The following CASQ2 variants were observed in gnomAD, a reference collection of about 807,000 sequenced individuals.
CASQ2 encodes the protein calsequestrin 2, also known as calsequestrin-2.
Under a neutral mutation model 46.5 loss-of-function variants are expected in CASQ2, and 49 were observed. The ratio of observed to expected loss-of-function variants is 1.05; its 90% CI spans 0.84 to 1.34. CASQ2 has a LOEUF of 1.34. Among genes scored for constraint, CASQ2 ranks in the 40% most tolerant of loss-of-function variants. The pLI, the probability that CASQ2 is intolerant of heterozygous loss-of-function variation, is 0.00. For missense variants in CASQ2, 486 were observed against 481.3 expected, an observed-to-expected ratio of 1.01 and a Z score of -0.09; for synonymous variants, 174 against 168.5, an observed-to-expected ratio of 1.03 and a Z score of -0.25.
chr1:115,717,648 AC>A (rs1284518114), intron 8 of CASQ2, among the ~76,000 whole-genome samples, 191 bp downstream of exon 8: 8 of 152,224 alleles, frequency 5.3e-5, no homozygotes, highest in Non-Finnish European at 1.0e-4. Flanking sequence ...TGATTTGTTC[AC>A]ACCTTTTCTT....
In CASQ2 at chr1:115,701,211, T is replaced by C. The variant is rs1469254169; in HGVS notation, c.*30A>G. ...CTGTATGGTAGTGGGTGCTGTGATTTTGTTTTCATCAGAATTGTTTGGAGT... is the reference window on the plus strand; with the variant it reads ...CTGTATGGTAGTGGGTGCTGTGATTCTGTTTTCATCAGAATTGTTTGGAGT... On this transcript the variant is annotated 3_prime_UTR_variant, in exon 11 of 11. Coordinates refer to ENST00000261448, the MANE Select transcript of CASQ2 (RefSeq NM_001232.4). The C allele has an allele frequency of 1.9e-6, 3 of 1,613,602 alleles. No individual in the cohort carries two copies. The East Asian group carries it at 6.7e-5, about 36-fold the overall frequency.
At position 115,702,989 on chromosome 1, in the gene CASQ2, C is replaced by T. The variant is rs1473709565; in HGVS notation, c.946G>A (p.Ala316Thr). The T allele has an allele frequency of 1.2e-6, 2 of 1,612,608 alleles. No individual in the cohort carries two copies. Among genetic ancestry groups the T allele is most frequent in the Admixed American group, 1.7e-5 (1 of 59,816 alleles). ...ATCTTGAAAGTCTTCTCCCAGTAGG[C>T]AACGAGCTGCAGCAACAAAAAAATA... Reference protein sequence around the residue: ...IDPDDFPLLVAYWEKTFKIDL... With the variant: ...IDPDDFPLLVTYWEKTFKIDL... The change falls in exon 10 of 11, where the codon GCC (alanine) becomes ACC (threonine). Residue 316 changes from alanine to threonine, a missense_variant. Physicochemically the swap from Ala to Thr is moderately conservative, Grantham distance 58. Transcript: ENST00000261448.
intron 8 of CASQ2, among the ~76,000 whole-genome samples, chr1:115,707,030 T>C (rs1435425576): frequency 1.4e-5 from 2 of 140,332 alleles, no homozygotes; most frequent in African/African-American, 5.2e-5. Flanking sequence ...AGTGGAGAAA[T>C]AGTTCCTTTT....
intron 1 of CASQ2, among the ~76,000 whole-genome samples, chr1:115,762,969 C>CTGTCATGT (rs1649013564): frequency 6.6e-6 from 1 of 152,302 alleles, no homozygotes; most frequent in East Asian, 1.9e-4. Flanking sequence ...GGGGCTCCAC[C>CTGTCATGT]TGTCATGTTG....
rs957557916 is a variant in CASQ2, at chr1:115,743,368, C to G, written c.319+1460G>C. ...AAGCCATTCTCTCATCCCAGCCTCC[C>G]AAGTAGCTGGCACTACAGGCACATG... On this transcript the variant is annotated intron_variant, in intron 2 of 10. Coordinates refer to ENST00000261448, the MANE Select transcript of CASQ2 (RefSeq NM_001232.4). Among the ~76,000 whole-genome samples the G allele has an allele frequency of 3.9e-5, 6 of 152,152 alleles. No homozygotes were observed. The East Asian group carries it at 5.8e-4, about 15-fold the overall frequency.
chr1:115,740,899 C>A, intron 2 of CASQ2, 71 bp from the exon 3 acceptor site: 2 of 1,074,446 alleles, frequency 1.9e-6, no homozygotes, highest in South Asian at 2.5e-5. Flanking sequence ...TGGCTGAGGT[C>A]TGGCTGAGGG....
intron 2 of CASQ2, among the ~76,000 whole-genome samples, chr1:115,743,039 T>A (rs1197030178): frequency 6.6e-6 from 1 of 152,038 alleles, no homozygotes; most frequent in Non-Finnish European, 1.5e-5. Context: ...CCGCCTGCCT[T>A]GGCCTCCCAA....
At chr1:115,756,625 T>G (rs752433843) in intron 1 of CASQ2, among the ~76,000 whole-genome samples, 34 of 152,214 alleles carry the variant, frequency 2.2e-4, no homozygotes, top group Non-Finnish European at 4.1e-4. Flanking sequence ...GTGACTTTCA[T>G]GGTATCTCAC....
intron 1 of CASQ2, among the ~76,000 whole-genome samples, chr1:115,766,602 A>C (rs1212936131): frequency 6.6e-6 from 1 of 152,232 alleles, no homozygotes; most frequent in Non-Finnish European, 1.5e-5. Context: ...AGACAAAGCC[A>C]GAACTTAAAT....
At chr1:115,729,614 A>G (rs1474306251) in intron 5 of CASQ2, among the ~76,000 whole-genome samples, 1 of 152,238 alleles carries the variant, frequency 6.6e-6, no homozygotes, top group African/African-American at 2.4e-5. Flanking sequence ...TTCAACAAAG[A>G]TAAGAAAACT....
chr1:115,750,865 T>A (rs1281006010), intron 1 of CASQ2, among the ~76,000 whole-genome samples: 1 of 54,502 alleles, frequency 1.8e-5, no homozygotes, highest in Non-Finnish European at 6.8e-5. Flanking sequence ...ATATTTATAA[T>A]ATAGCTTTAC....
At position 115,733,332 on chromosome 1, in the gene CASQ2, T is replaced by A. The variant is rs116463053; in HGVS notation, c.533-358A>T. 3.8e-3 allele frequency among the ~76,000 whole-genome samples: 573 copies of A among 152,300 alleles called. 1 individual carries two copies. Among genetic ancestry groups the A allele is most frequent in the African/African-American group, 0.013 (555 of 41,572 alleles). On this transcript the variant is annotated intron_variant, in intron 4 of 10. Coordinates refer to ENST00000261448, the MANE Select transcript of CASQ2 (RefSeq NM_001232.4). ...TCTAACTCACTGCTACTTATAATCA[T>A]GCCCTCTAGAGAGAGTGCAGTTTGC...
chr1:115,744,219 C>T (rs375122113), intron 2 of CASQ2, among the ~76,000 whole-genome samples: 3 of 151,908 alleles, frequency 2.0e-5, no homozygotes, highest in African/African-American at 7.3e-5. Flanking sequence ...TTTGGGATTA[C>T]AGGGTTGTGA....
chr1:115,754,793 G>C (rs1349983869), intron 1 of CASQ2, among the ~76,000 whole-genome samples: 3 of 152,204 alleles, frequency 2.0e-5, no homozygotes, highest in Non-Finnish European at 2.9e-5. Context: ...TTTCCTTAGA[G>C]ATCCAATCTC....
Position 115,744,736 on chromosome 1 carries a change from C to A in CASQ2, c.319+92G>T, listed in dbSNP as rs28730718. 1,412 of 816,888 alleles carry A rather than the reference C, an allele frequency of 1.7e-3. 27 individuals are homozygous for A. The East Asian group carries it at 0.032, about 19-fold the overall frequency. The allele number at this position is 816,888 out of a possible 1,614,324, so 50.6% of individuals were successfully genotyped here. ...ATTTTATATATTTTAAAAGATAGTC[C>A]GCTTATGCAAGAATAATTGCAACTG... is the stretch of plus-strand genomic sequence containing the variant. On this transcript the variant is annotated intron_variant, in intron 2 of 10. Coordinates refer to ENST00000261448, the MANE Select transcript of CASQ2 (RefSeq NM_001232.4).
chr1:115,716,032 C>T (rs1422857360), intron 8 of CASQ2, among the ~76,000 whole-genome samples: 1 of 152,220 alleles, frequency 6.6e-6, no homozygotes, highest in African/African-American at 2.4e-5. Context: ...TCTAGTGGAA[C>T]CATCTCTAGA....
intron 8 of CASQ2, among the ~76,000 whole-genome samples, chr1:115,714,623 T>C (rs1248708548): frequency 2.0e-5 from 3 of 152,230 alleles, no homozygotes; most frequent in Admixed American, 6.5e-5. Context: ...AGGGACTGTT[T>C]TGCAGGAATG....
At chr1:115,763,612 TA>T (rs1345976304) in intron 1 of CASQ2, among the ~76,000 whole-genome samples, 2 of 152,214 alleles carry the variant, frequency 1.3e-5, no homozygotes, top group African/African-American at 4.8e-5. Context: ...TAGCATTTGT[TA>T]AGTATCTTCT....
chr1:115,749,119 T>G (rs1204924482), intron 1 of CASQ2, among the ~76,000 whole-genome samples: 1 of 152,244 alleles, frequency 6.6e-6, no homozygotes, highest in African/African-American at 2.4e-5. Flanking sequence ...TTCTAACTGC[T>G]GGGCTCTTTA....
Sources: gnomAD v4.1 joint callset for allele counts (sites outside exome capture counted in the v4.1 genomes callset) on GRCh38, gnomAD v4.1.1 for gene constraint, MANE v1.5 for transcripts, NCBI Gene and HGNC (gene_info 2026-07-23, HGNC 2026-07-21) for gene names.